POU6F2: variants seen among roughly 807,000 people sequenced by gnomAD.
POU6F2 encodes the protein POU domain, class 6, transcription factor 2.
Under a neutral mutation model 71.3 loss-of-function variants are expected in POU6F2, and 31 were observed. That is an observed-to-expected ratio of 0.43 (90% CI 0.33 to 0.59). The LOEUF is 0.59. POU6F2 is among the 20% of genes least tolerant of loss of function. POU6F2 has a pLI of 0.04. For synonymous variants in POU6F2, 347 were observed against 355.7 expected (o/e 0.98, Z 0.27); for missense variants, 783 against 856.8 (o/e 0.91, Z 1.07).
rs75687814 is a variant in POU6F2, at chr7:39,442,861, C to G, written c.1321-8672C>G. On this transcript the variant is annotated intron_variant, in intron 7 of 9. Transcript: ENST00000518318. ...AACATTTAATATAAAGTAGCTCTCA[C>G]TCTCACCTTGAATTTCAAAGGTGAG... Among the ~76,000 whole-genome samples the G allele has an allele frequency of 4.2e-3, 641 of 152,318 alleles. 7 individuals carry two copies. The highest frequency in any genetic ancestry group is 0.015 in the African/African-American group (606 of 41,570).
intron 2 of POU6F2, among the ~76,000 whole-genome samples, chr7:39,141,327 T>C (rs1792496377): frequency 6.6e-6 from 1 of 152,180 alleles, no homozygotes; most frequent in Admixed American, 6.5e-5. Flanking sequence ...AAGGAAGCAG[T>C]TGGAGGGAGT....
At chr7:39,321,577 A>C (rs910481740) in intron 4 of POU6F2, among the ~76,000 whole-genome samples, 9 of 152,160 alleles carry the variant, frequency 5.9e-5, no homozygotes, top group African/African-American at 9.7e-5. Context: ...GACAGTGAAA[A>C]TTATTAACCA....
At chr7:39,260,536 C>T (rs1194917899) in intron 4 of POU6F2, among the ~76,000 whole-genome samples, 1 of 127,320 alleles carries the variant, frequency 7.9e-6, no homozygotes, top group Non-Finnish European at 1.7e-5. Context: ...ACACACATAC[C>T]ACGTTCCACA....
At chr7:39,105,531 T>C (rs964829781) in intron 2 of POU6F2, among the ~76,000 whole-genome samples, 7 of 152,034 alleles carry the variant, frequency 4.6e-5, no homozygotes, top group African/African-American at 1.7e-4. Context: ...TGTGATAATA[T>C]CTATCAAGAA....
At chr7:39,193,897 G>T (rs1793722325) in intron 2 of POU6F2, among the ~76,000 whole-genome samples, 1 of 152,156 alleles carries the variant, frequency 6.6e-6, no homozygotes, top group Admixed American at 6.5e-5. Context: ...CTGTATAAAT[G>T]AATGGAATAA....
intron 4 of POU6F2, among the ~76,000 whole-genome samples, chr7:39,273,234 CTG>C (rs1420857241): frequency 6.6e-6 from 1 of 152,180 alleles, no homozygotes; most frequent in Non-Finnish European, 1.5e-5. Context: ...GGGCTAGACT[CTG>C]TGACTTGCTT....
intron 4 of POU6F2, among the ~76,000 whole-genome samples, chr7:39,277,096 T>C (rs1488758364): frequency 6.6e-6 from 1 of 152,128 alleles, no homozygotes; most frequent in Non-Finnish European, 1.5e-5. Flanking sequence ...ACTCCCAGCA[T>C]GTGCTTTGGG....
chr7:38,995,650 A>G (rs954460448), intron 1 of POU6F2, among the ~76,000 whole-genome samples: 17 of 152,186 alleles, frequency 1.1e-4, no homozygotes, highest in African/African-American at 3.9e-4. Context: ...GTCTCTAGCA[A>G]AATTCTTTAT....
At chr7:39,159,788 T>C (rs1158889689) in intron 2 of POU6F2, among the ~76,000 whole-genome samples, 1 of 151,870 alleles carries the variant, frequency 6.6e-6, no homozygotes, top group East Asian at 1.9e-4. Context: ...CTTGAAACTA[T>C]GAATTTGTCA....
At chr7:39,163,439 G>C (rs571528233) in intron 2 of POU6F2, among the ~76,000 whole-genome samples, 1 of 152,246 alleles carries the variant, frequency 6.6e-6, no homozygotes, top group South Asian at 2.1e-4. Flanking sequence ...TCAGAGACTT[G>C]GGGGCCTACT....
chr7:39,368,327 C>T (rs1786545319), intron 5 of POU6F2, among the ~76,000 whole-genome samples: 1 of 152,016 alleles, frequency 6.6e-6, no homozygotes, highest in African/African-American at 2.4e-5. Context: ...CACAACACTC[C>T]CTTATGCCAA....
At chr7:39,205,669 CTG>C (rs1416413559) in intron 3 of POU6F2, among the ~76,000 whole-genome samples, 1 of 152,098 alleles carries the variant, frequency 6.6e-6, no homozygotes, top group African/African-American at 2.4e-5. Flanking sequence ...ATTAGAATAA[CTG>C]TATTTTTTTA....
At chr7:39,280,451 A>G (rs943838372) in intron 4 of POU6F2, among the ~76,000 whole-genome samples, 3 of 152,352 alleles carry the variant, frequency 2.0e-5, no homozygotes, top group South Asian at 4.1e-4. Flanking sequence ...GCCACTACAT[A>G]TAATACAAGT....
intron 1 of POU6F2, among the ~76,000 whole-genome samples, chr7:38,999,755 G>A (rs372889021): frequency 5.3e-5 from 8 of 152,106 alleles, no homozygotes; most frequent in Admixed American, 3.3e-4. Context: ...TGCTAGTAAC[G>A]CTGTGACATT....
chr7:39,447,412 C>T (rs1008616387), intron 7 of POU6F2, among the ~76,000 whole-genome samples: 1 of 152,048 alleles, frequency 6.6e-6, no homozygotes, highest in African/African-American at 2.4e-5. Context: ...TGAGAGGCAG[C>T]GGGGCATAGT....
At chr7:39,370,199 A>T (rs187756391) in intron 5 of POU6F2, among the ~76,000 whole-genome samples, 2 of 152,316 alleles carry the variant, frequency 1.3e-5, no homozygotes, top group East Asian at 3.9e-4. Flanking sequence ...GATTTGACAG[A>T]TTGATGAGAT....
intron 2 of POU6F2, among the ~76,000 whole-genome samples, chr7:39,148,569 GTGATGATGA>G (rs974956341): frequency 6.6e-6 from 1 of 151,954 alleles, no homozygotes; most frequent in African/African-American, 2.4e-5. Flanking sequence ...GATAATGATG[GTGATGATGA>G]TGATGATAAT....
chr7:39,462,209 G>C (rs1788965528), intron 9 of POU6F2, among the ~76,000 whole-genome samples: 1 of 152,206 alleles, frequency 6.6e-6, no homozygotes, highest in Non-Finnish European at 1.5e-5. Flanking sequence ...GGTCAAAAAA[G>C]CTGTGGCTGA....
chr7:38,987,905 G>A (rs901589775), intron 1 of POU6F2, among the ~76,000 whole-genome samples: 1 of 152,064 alleles, frequency 6.6e-6, no homozygotes, highest in Non-Finnish European at 1.5e-5. Context: ...ACTGTCCATT[G>A]GGTAGGTGTG....
Sources: allele counts gnomAD v4.1 joint callset (sites outside exome capture counted in the v4.1 genomes callset), GRCh38; gene constraint gnomAD v4.1.1; transcripts MANE v1.5; gene names NCBI Gene and HGNC (gene_info 2026-07-23, HGNC 2026-07-21).